Variants in KCNAB1 observed in about 807,000 individuals in gnomAD.
KCNAB1 encodes voltage-gated potassium channel subunit beta-1.
KCNAB1 carries 35 observed loss-of-function variants against 64.6 expected under a neutral mutation model. That is an observed-to-expected ratio of 0.54 (90% CI 0.41 to 0.72). The LOEUF (loss-of-function observed/expected upper bound fraction) is 0.72. KCNAB1 is among the 30% of genes least tolerant of loss of function. The probability of loss-of-function intolerance (pLI) is 0.00; values close to 1 mark genes in which losing one functional copy is unlikely to be tolerated. For missense variants in KCNAB1, 401 were observed against 512.9 expected, an observed-to-expected ratio of 0.78 and a Z score of 2.11; for synonymous variants, 177 against 183.8, an observed-to-expected ratio of 0.96 and a Z score of 0.30.
At chr3:156,495,490 C>G (rs2720283) in intron 8 of KCNAB1, among the ~76,000 whole-genome samples, 38,651 of 152,022 alleles carry the variant, frequency 0.25, 5,179 homozygotes, top group South Asian at 0.35. Flanking sequence ...AAATACCCAC[C>G]AGTGATAGAC....
intron 8 of KCNAB1, 49 bp downstream of exon 8, chr3:156,474,869 G>A: frequency 7.4e-7 from 1 of 1,346,738 alleles, no homozygotes; most frequent in Non-Finnish European, 1.1e-6. Flanking sequence ...GATTCAGTTT[G>A]AGGGCTTATT....
At chr3:156,421,748 C>A in intron 2 of KCNAB1, 89 bp downstream of exon 2, 1 of 1,170,656 alleles carries the variant, frequency 8.5e-7, no homozygotes, top group Non-Finnish European at 1.3e-6. Flanking sequence ...AGGCCAGGAC[C>A]TGGTCTCAGA....
intron 4 of KCNAB1, among the ~76,000 whole-genome samples, chr3:156,459,081 C>T (rs1418713353): frequency 6.6e-6 from 1 of 152,222 alleles, no homozygotes; most frequent in East Asian, 1.9e-4. Context: ...GGACAAGGTG[C>T]TAATTCCACT....
At chr3:156,160,138 G>A (rs1255663250) in intron 1 of KCNAB1, among the ~76,000 whole-genome samples, 1 of 152,166 alleles carries the variant, frequency 6.6e-6, no homozygotes, top group African/African-American at 2.4e-5. Flanking sequence ...AAGACTAGAA[G>A]AGAATTTGAT....
chr3:156,135,313 T>G (rs1437731127), intron 1 of KCNAB1, among the ~76,000 whole-genome samples: 1 of 151,996 alleles, frequency 6.6e-6, no homozygotes, highest in African/African-American at 2.4e-5. Flanking sequence ...AGCTTTTTTT[T>G]CCCCCATTTT....
chr3:156,119,895 A>T (rs1181749143), upstream of KCNAB1, among the ~76,000 whole-genome samples: 1 of 152,026 alleles, frequency 6.6e-6, no homozygotes, highest in Admixed American at 6.6e-5. Flanking sequence ...CTGTTTTTTC[A>T]CACCAGTTTT....
intron 1 of KCNAB1, among the ~76,000 whole-genome samples, chr3:156,150,446 A>T (rs1374737499): frequency 6.6e-6 from 1 of 152,182 alleles, no homozygotes; most frequent in Non-Finnish European, 1.5e-5. Flanking sequence ...TTTATGCAGC[A>T]TGACGAAAAT....
At chr3:156,265,823 T>C (rs1213778882) in intron 1 of KCNAB1, among the ~76,000 whole-genome samples, 1 of 151,984 alleles carries the variant, frequency 6.6e-6, no homozygotes, top group Non-Finnish European at 1.5e-5. Flanking sequence ...TGAAACCCCA[T>C]CTCTACTAAA....
intron 1 of KCNAB1, among the ~76,000 whole-genome samples, chr3:156,412,994 G>C (rs1714782389): frequency 6.6e-6 from 1 of 152,236 alleles, no homozygotes; most frequent in South Asian, 2.1e-4. Context: ...GTGGTCTAAA[G>C]TGCTGGAGTT....
intron 12 of KCNAB1, 103 bp downstream of exon 12, chr3:156,524,050 G>A (rs1718130933): frequency 4.5e-6 from 5 of 1,114,498 alleles, no homozygotes; most frequent in South Asian, 3.7e-5. Flanking sequence ...TCTATTGCAG[G>A]GACAGATGAT....
chr3:156,301,119 T>G (rs1478533644), intron 1 of KCNAB1, among the ~76,000 whole-genome samples: 1 of 152,224 alleles, frequency 6.6e-6, no homozygotes, highest in Non-Finnish European at 1.5e-5. Flanking sequence ...AGAGCTCTTA[T>G]GTAAGAAATG....
intron 1 of KCNAB1, among the ~76,000 whole-genome samples, chr3:156,413,758 G>A (rs1714855349): frequency 6.6e-6 from 1 of 152,202 alleles, no homozygotes; most frequent in Admixed American, 6.5e-5. Flanking sequence ...CCCACTGTGA[G>A]CATCACTGAA....
chr3:156,455,294 G>C lies in KCNAB1; in HGVS notation c.358-2159G>C, dbSNP rs902653658. 1.3e-5 allele frequency among the ~76,000 whole-genome samples: 2 copies of C among 152,234 alleles called. 1 individual carries two copies. The highest frequency in any genetic ancestry group is 4.8e-5 in the African/African-American group (2 of 41,460). On this transcript the variant is annotated intron_variant, in intron 3 of 13. Transcript: ENST00000490337. ...AGGGCTGGCCACACCACAGTGTGCT[G>C]AGTTAATTGTTGATAATTACATGAC... is the stretch of plus-strand genomic sequence containing the variant.
At chr3:156,318,215 A>G (rs1042919150) in intron 1 of KCNAB1, among the ~76,000 whole-genome samples, 1 of 152,216 alleles carries the variant, frequency 6.6e-6, no homozygotes, top group African/African-American at 2.4e-5. Flanking sequence ...GCTTTTTAAT[A>G]TACATCCATA....
chr3:156,532,062 C>G (rs543456546), intron 13 of KCNAB1, among the ~76,000 whole-genome samples: 1 of 152,340 alleles, frequency 6.6e-6, no homozygotes, highest in African/African-American at 2.4e-5. Context: ...AGTTAACACT[C>G]AAGATCTATT....
chr3:156,444,611 A>G (rs2108266176), intron 2 of KCNAB1, among the ~76,000 whole-genome samples: 1 of 152,302 alleles, frequency 6.6e-6, no homozygotes, highest in South Asian at 2.1e-4. Flanking sequence ...GCAAGAGGGT[A>G]TCTTCATTCC....
chr3:156,195,009 C>T (rs1049073272), intron 1 of KCNAB1, among the ~76,000 whole-genome samples: 4 of 152,096 alleles, frequency 2.6e-5, no homozygotes, highest in African/African-American at 9.7e-5. Context: ...TTGTTTAACT[C>T]CCACTTGTGA....
intron 1 of KCNAB1, among the ~76,000 whole-genome samples, chr3:156,374,046 T>C (rs1351382960): frequency 6.6e-6 from 1 of 152,230 alleles, no homozygotes; most frequent in Non-Finnish European, 1.5e-5. Context: ...AATCTCTCTA[T>C]ACCTCAGTTT....
At chr3:156,430,476 C>G (rs1429803847) in intron 2 of KCNAB1, among the ~76,000 whole-genome samples, 1 of 152,152 alleles carries the variant, frequency 6.6e-6, no homozygotes, top group African/African-American at 2.4e-5. Flanking sequence ...AAGGTCCTCT[C>G]TAGGCCCAGA....
Sources: gnomAD v4.1 joint callset for allele counts (sites outside exome capture counted in the v4.1 genomes callset) on GRCh38, gnomAD v4.1.1 for gene constraint, MANE v1.5 for transcripts, NCBI Gene and HGNC (gene_info 2026-07-23, HGNC 2026-07-21) for gene names.